SLC1A3: variants seen among roughly 807,000 people sequenced by gnomAD.
SLC1A3 encodes solute carrier family 1 member 3, also known as excitatory amino acid transporter 1.
In SLC1A3, 21 loss-of-function variants were observed where a neutral mutation model predicts 48.1. That is an observed-to-expected ratio of 0.44 (90% CI 0.31 to 0.63). The LOEUF (loss-of-function observed/expected upper bound fraction) is 0.63, where lower values mean the gene tolerates loss of function less well. Among genes scored for constraint, SLC1A3 ranks in the 20% least tolerant of loss-of-function variants. The pLI is 0.08. For missense variants in SLC1A3, 546 were observed against 689.0 expected, an observed-to-expected ratio of 0.79 and a Z score of 2.32; for synonymous variants, 239 against 251.4, an observed-to-expected ratio of 0.95 and a Z score of 0.47.
chr5:36,643,555 T>C (rs2111817148), intron 3 of SLC1A3, among the ~76,000 whole-genome samples: 1 of 152,296 alleles, frequency 6.6e-6, no homozygotes, highest in Non-Finnish European at 1.5e-5. Flanking sequence ...TATATTAAAC[T>C]TACACCTTGT....
At chr5:36,607,013 T>C (rs1479357117) in intron 1 of SLC1A3, 1 of 147,210 alleles carries the variant, frequency 6.8e-6, no homozygotes, top group East Asian at 2.0e-4. Context: ...TAAAAGTGAC[T>C]GGTAAGAGGA....
At chr5:36,676,851 A>T (rs777222118) in intron 5 of SLC1A3, 41 bp from the exon 6 acceptor site, 3 of 1,481,778 alleles carry the variant, frequency 2.0e-6, no homozygotes, top group African/African-American at 1.4e-5. Flanking sequence ...AGAAAAAAAT[A>T]AAAATCACCT....
chr5:36,679,754 G>A lies in SLC1A3; in HGVS notation c.988G>A (p.Val330Ile). Residue 330 changes from valine (V) to isoleucine (I), a missense_variant, in exon 7 of 10, where the codon GTC (valine) becomes ATC (isoleucine). Physicochemically the swap from Val to Ile is conservative, Grantham distance 29. Coordinates refer to ENST00000265113, the MANE Select transcript of SLC1A3 (RefSeq NM_004172.5). ...CATTGTTGGCTTACTCATTCACGCA[G>A]TCATCGTCTTGCCACTCCTCTACTT... ...TVIVGLLIHA[V>I]IVLPLLYFLV... 1 of 1,614,140 alleles carries A rather than the reference G, an allele frequency of 6.2e-7. No individual in the cohort carries two copies.
At chr5:36,649,563 A>G (rs1232538806) in intron 3 of SLC1A3, among the ~76,000 whole-genome samples, 1 of 152,208 alleles carries the variant, frequency 6.6e-6, no homozygotes, top group Admixed American at 6.5e-5. Context: ...GAAAAGGAAG[A>G]TATTTGTATT....
chr5:36,680,313 C>T lies in SLC1A3; in HGVS notation c.1095-82C>T, dbSNP rs1033739522. ...AGTTAGAACATGGGAGAGGAAGGAA[C>T]TGTCTGTCCCAAAGACCAAACGCAC... On this transcript the variant is annotated intron_variant, in intron 7 of 9. Transcript: ENST00000265113. 7.0e-6 allele frequency: 8 copies of T among 1,143,014 alleles called. No individual in the cohort carries two copies. In the African/African-American group the frequency reaches 1.2e-4, roughly 17 times the overall value. 70.8% of individuals were successfully genotyped at this position (1,143,014 alleles called of 1,614,324 possible).
At chr5:36,677,681 C>T (rs142267791) in intron 6 of SLC1A3, among the ~76,000 whole-genome samples, 36 of 152,334 alleles carry the variant, frequency 2.4e-4, no homozygotes, top group Middle Eastern at 3.4e-3. Context: ...TAGGAGAAGG[C>T]ACAAAGTTTG....
chr5:36,637,292 C>T (rs908456251), intron 3 of SLC1A3, among the ~76,000 whole-genome samples: 1 of 152,184 alleles, frequency 6.6e-6, no homozygotes, highest in African/African-American at 2.4e-5. Flanking sequence ...AGCTTGTGGT[C>T]AACTAAATCC....
intron 3 of SLC1A3, among the ~76,000 whole-genome samples, chr5:36,647,556 A>G (rs1249078608): frequency 6.6e-6 from 1 of 152,246 alleles, no homozygotes; most frequent in Non-Finnish European, 1.5e-5. Flanking sequence ...GAGAGAGACC[A>G]CATGTATTAA....
intron 2 of SLC1A3, chr5:36,613,550 C>G (rs1269779529): frequency 6.6e-6 from 1 of 152,334 alleles, no homozygotes; most frequent in African/African-American, 2.4e-5. Flanking sequence ...GGCGCCCACA[C>G]CTCTCAACTT....
chr5:36,640,690 G>A (rs781361745), intron 3 of SLC1A3, among the ~76,000 whole-genome samples: 1 of 152,130 alleles, frequency 6.6e-6, no homozygotes, highest in Non-Finnish European at 1.5e-5. Flanking sequence ...TAAGATGATC[G>A]TAAGCTTCCT....
chr5:36,618,983 C>T (rs576769450), intron 2 of SLC1A3, among the ~76,000 whole-genome samples: 2 of 152,314 alleles, frequency 1.3e-5, no homozygotes, highest in East Asian at 3.9e-4. Context: ...CTCCAAGGTT[C>T]TTCTGATGCA....
Position 36,686,135 on chromosome 5 carries a change from C to T in SLC1A3, c.1495C>T (p.Arg499Ter), listed in dbSNP as rs371888623. ...AGCTGGGATTGTGGAGCACTTGTCA[C>T]GACATGAACTGAAGAACAGAGATGT... Reference protein sequence around the residue: ...LGAGIVEHLSRHELKNRDVEM... With the variant: ...LGAGIVEHLS Residue 499 changes from arginine to a stop codon, truncating the protein, a stop_gained, in exon 10 of 10, where the codon CGA becomes TGA. Coordinates refer to ENST00000265113, the MANE Select transcript of SLC1A3 (RefSeq NM_004172.5). LOFTEE classifies it high-confidence loss of function. The T allele has an allele frequency of 2.5e-6, 4 of 1,614,076 alleles. No individual in the cohort carries two copies. Among genetic ancestry groups the T allele is most frequent in the South Asian group, 1.1e-5 (1 of 91,088 alleles).
At chr5:36,619,699 A>G (rs188835672) in intron 2 of SLC1A3, among the ~76,000 whole-genome samples, 4 of 152,376 alleles carry the variant, frequency 2.6e-5, no homozygotes, top group African/African-American at 9.6e-5. Flanking sequence ...CATAAGTGTG[A>G]GACAGGCTTA....
rs185404315 is a variant in SLC1A3, at chr5:36,665,486, A to G, written c.320-5543A>G. Among the ~76,000 whole-genome samples the G allele has an allele frequency of 1.8e-3, 268 of 152,356 alleles. 4 individuals are homozygous for G. The highest frequency in any genetic ancestry group is 1.7e-3 in the Non-Finnish European group (114 of 68,032). ...TATGTTTTCTCTAATCTTGCAATGT[A>G]GATATTGTTAGTGTATTTTCTACAT... On this transcript the variant is annotated intron_variant, in intron 3 of 9. Transcript: ENST00000265113.
intron 3 of SLC1A3, among the ~76,000 whole-genome samples, chr5:36,643,457 C>T (rs1434039967): frequency 6.6e-6 from 1 of 152,176 alleles, no homozygotes; most frequent in Non-Finnish European, 1.5e-5. Flanking sequence ...GTCATTCATA[C>T]ATCTTCTTTA....
chr5:36,608,246 GC>G (rs1739039616), intron 1 of SLC1A3, 82 bp from the exon 2 acceptor site: 2 of 600,588 alleles, frequency 3.3e-6, no homozygotes, highest in Non-Finnish European at 5.9e-6. Context: ...TATGCAATTT[GC>G]CAAGAGCTTG....
chr5:36,679,909 G>A (rs1304735479), intron 7 of SLC1A3, 49 bp downstream of exon 7: 1 of 1,369,620 alleles, frequency 7.3e-7, no homozygotes, highest in African/African-American at 1.4e-5. Flanking sequence ...CCTTGAACCA[G>A]GGCCCCTCAA....
At chr5:36,608,141 T>A (rs1739034443) in intron 1 of SLC1A3, 188 bp from the exon 2 acceptor site, 1 of 383,834 alleles carries the variant, frequency 2.6e-6, no homozygotes, top group Non-Finnish European at 4.7e-6. Flanking sequence ...ATTCCGAATT[T>A]ATGCACATTT....
intron 3 of SLC1A3, among the ~76,000 whole-genome samples, chr5:36,640,044 G>A (rs569762785): frequency 7.9e-5 from 12 of 152,274 alleles, no homozygotes; most frequent in South Asian, 4.1e-4. Context: ...GGGGCGGCTG[G>A]GGGAAGGGTC....
Sources: gnomAD v4.1 joint callset for allele counts (sites outside exome capture counted in the v4.1 genomes callset) on GRCh38, gnomAD v4.1.1 for gene constraint, MANE v1.5 for transcripts, NCBI Gene and HGNC (gene_info 2026-07-23, HGNC 2026-07-21) for gene names.